Variants in COL19A1 observed in about 807,000 individuals in gnomAD.
The protein encoded by COL19A1 is collagen type XIX alpha 1 chain, also known as collagen alpha-1(XIX) chain.
A neutral mutation model predicts 190.2 loss-of-function variants in COL19A1; 159 were observed. The ratio of observed to expected loss-of-function variants is 0.84; its 90% CI spans 0.73 to 0.95. The LOEUF is 0.95. Among genes scored for constraint, COL19A1 ranks in the 40% least tolerant of loss-of-function variants. The pLI is 0.00. For synonymous variants in COL19A1, 509 were observed against 458.9 expected (o/e 1.11, Z -1.39); for missense variants, 1,418 against 1,431.9 (o/e 0.99, Z 0.16).
intron 16 of COL19A1, among the ~76,000 whole-genome samples, chr6:70,121,170 G>GT (rs937730380): frequency 2.0e-5 from 3 of 152,134 alleles, no homozygotes; most frequent in Admixed American, 6.5e-5. Context: ...TAATCTTTGT[G>GT]TTTTTTTATG....
At chr6:70,150,711 C>A (rs1334069776) in intron 30 of COL19A1, among the ~76,000 whole-genome samples, 1 of 152,124 alleles carries the variant, frequency 6.6e-6, no homozygotes, top group Admixed American at 6.6e-5. Flanking sequence ...TTTCTACCTC[C>A]CACAGTGTTT....
chr6:70,125,827 A>T (rs1785160900), intron 17 of COL19A1, among the ~76,000 whole-genome samples: 1 of 152,198 alleles, frequency 6.6e-6, no homozygotes, highest in Non-Finnish European at 1.5e-5. Context: ...CTTCCCCTCA[A>T]GGAAAATCTG....
intron 15 of COL19A1, among the ~76,000 whole-genome samples, chr6:70,095,522 T>C (rs1783197326): frequency 6.6e-6 from 1 of 152,194 alleles, no homozygotes; most frequent in Non-Finnish European, 1.5e-5. Context: ...GTTGTTTTCT[T>C]TTGAATTGTG....
chr6:70,086,232 C>T (rs1055100266), intron 15 of COL19A1, among the ~76,000 whole-genome samples: 1 of 152,052 alleles, frequency 6.6e-6, no homozygotes, highest in Non-Finnish European at 1.5e-5. Flanking sequence ...ATTCAGCATT[C>T]ACAGCAGTTA....
rs372634838 is a variant in COL19A1 at position 69,987,786 on chromosome 6, T to C, written c.1026+24916T>C. 2.6e-5 allele frequency among the ~76,000 whole-genome samples: 4 copies of C among 152,154 alleles called. No individual in the cohort carries two copies. The East Asian group carries it at 7.7e-4, about 29-fold the overall frequency. On this transcript the variant is annotated intron_variant, in intron 11 of 50. Coordinates refer to ENST00000620364, the MANE Select transcript of COL19A1 (RefSeq NM_001858.6). ...GGGAGCCTCCTAACATTCTTCCTTCTCCTGGAGAGAGCCCCTAATGGAATG... is the reference window on the plus strand; with the variant it reads ...GGGAGCCTCCTAACATTCTTCCTTCCCCTGGAGAGAGCCCCTAATGGAATG...
intron 9 of COL19A1, 107 bp from the exon 10 acceptor site, chr6:69,959,889 A>G: frequency 1.1e-6 from 1 of 901,688 alleles, no homozygotes; most frequent in Non-Finnish European, 1.7e-6. Context: ...ATTCAGTATT[A>G]GGCTACCTTT....
chr6:70,084,204 T>C (rs1336973967), intron 15 of COL19A1, among the ~76,000 whole-genome samples: 1 of 152,132 alleles, frequency 6.6e-6, no homozygotes, highest in Non-Finnish European at 1.5e-5. Context: ...CCATTTAAGA[T>C]AAGATAATCC....
At chr6:70,040,822 T>C (rs1779600397) in intron 14 of COL19A1, among the ~76,000 whole-genome samples, 1 of 152,236 alleles carries the variant, frequency 6.6e-6, no homozygotes, top group Non-Finnish European at 1.5e-5. Flanking sequence ...CTTGACTTGA[T>C]AAAAATAGAA....
intron 2 of COL19A1, among the ~76,000 whole-genome samples, chr6:69,880,277 A>G (rs1179950337): frequency 6.6e-6 from 1 of 152,182 alleles, no homozygotes. Context: ...TAAATTGATT[A>G]TGTGGTTAAT....
intron 4 of COL19A1, among the ~76,000 whole-genome samples, chr6:69,921,395 C>CATATATATCATATATATCAT (rs374740274): frequency 0.014 from 1,141 of 80,106 alleles, 71 homozygotes; most frequent in African/African-American, 0.049. Flanking sequence ...TCATATATAT[C>CATATATATCATATATATCAT]ATATATCATA....
intron 15 of COL19A1, among the ~76,000 whole-genome samples, chr6:70,100,987 G>A (rs1582911561): frequency 1.3e-5 from 2 of 152,064 alleles, no homozygotes; most frequent in South Asian, 2.1e-4. Flanking sequence ...CTGGCATTTA[G>A]ACCTCCTACC....
intron 15 of COL19A1, among the ~76,000 whole-genome samples, chr6:70,091,025 T>A (rs539241461): frequency 6.6e-5 from 10 of 152,308 alleles, no homozygotes; most frequent in African/African-American, 2.4e-4. Flanking sequence ...CCCTGATTTT[T>A]CTATCTAAAA....
chr6:70,021,193 T>C (rs1297844872), intron 11 of COL19A1, among the ~76,000 whole-genome samples: 1 of 152,186 alleles, frequency 6.6e-6, no homozygotes, highest in Non-Finnish European at 1.5e-5. Context: ...TGCGGAGTTT[T>C]GCTAGGAATC....
intron 11 of COL19A1, among the ~76,000 whole-genome samples, chr6:69,975,215 G>A (rs2150059132): frequency 6.6e-6 from 1 of 152,262 alleles, no homozygotes; most frequent in African/African-American, 2.4e-5. Flanking sequence ...GTGCTTCATG[G>A]ATCACTGCTA....
intron 36 of COL19A1, 89 bp downstream of exon 36, chr6:70,163,485 A>G: frequency 1.6e-6 from 2 of 1,232,264 alleles, no homozygotes; most frequent in Non-Finnish European, 2.3e-6. Context: ...CATAAAATCA[A>G]GCAAAGCCTA....
chr6:69,898,899 A>G lies in COL19A1; in HGVS notation c.92-49A>G, dbSNP rs377139119. On this transcript the variant is annotated intron_variant, in intron 2 of 50. Transcript: ENST00000620364. ...AGTTTCTGATTGTACTGTGTAATTAAAATTCATACATAATGCAAATCCTCT... is the reference window on the plus strand; with the variant it reads ...AGTTTCTGATTGTACTGTGTAATTAGAATTCATACATAATGCAAATCCTCT... The G allele has an allele frequency of 1.9e-4, 214 of 1,122,350 alleles. 1 individual carries two copies. Among genetic ancestry groups the G allele is most frequent in the Non-Finnish European group, 2.8e-4 (208 of 748,508 alleles). The allele number at this position is 1,122,350 out of a possible 1,614,324, so 69.5% of individuals were successfully genotyped here. A position where few individuals can be genotyped will look rare whatever the true frequency, so the allele number is the denominator to read the frequency against.
rs139010987 is a variant in COL19A1 at position 70,029,569 on chromosome 6, A to G, written c.1081-4676A>G. ...GTGTCCTTTCTCCCTAGCACTCAAT[A>G]ACCATTGATAGGAGCACCAGTGTGA... On this transcript the variant is annotated intron_variant, in intron 12 of 50. Transcript: ENST00000620364. Among the ~76,000 whole-genome samples the G allele has an allele frequency of 1.4e-3, 219 of 152,266 alleles. 1 individual carries two copies. The highest frequency in any genetic ancestry group is 6.8e-3 in the Middle Eastern group (2 of 294).
intron 11 of COL19A1, among the ~76,000 whole-genome samples, chr6:69,997,367 T>G (rs1776977114): frequency 6.6e-6 from 1 of 152,184 alleles, no homozygotes; most frequent in Admixed American, 6.5e-5. Flanking sequence ...CCGGATGTGG[T>G]GGCTCACGCC....
At chr6:70,081,130 T>G (rs562857960) in intron 15 of COL19A1, among the ~76,000 whole-genome samples, 1 of 152,276 alleles carries the variant, frequency 6.6e-6, no homozygotes, top group African/African-American at 2.4e-5. Flanking sequence ...TTAGATAATT[T>G]CTAGTATCAG....
Sources: gnomAD v4.1 joint callset for allele counts (sites outside exome capture counted in the v4.1 genomes callset) on GRCh38, gnomAD v4.1.1 for gene constraint, MANE v1.5 for transcripts, NCBI Gene and HGNC (gene_info 2026-07-23, HGNC 2026-07-21) for gene names.